SH3GL2: variants seen among roughly 807,000 people sequenced by gnomAD.
The protein encoded by SH3GL2 is endophilin-A1.
Under a neutral mutation model 46.0 loss-of-function variants are expected in SH3GL2, and 24 were observed. That is an observed-to-expected ratio of 0.52 (90% CI 0.38 to 0.73). SH3GL2 has a LOEUF of 0.73. Among genes scored for constraint, SH3GL2 ranks in the 30% least tolerant of loss-of-function variants. The probability of loss-of-function intolerance (pLI) is 0.00; values close to 1 mark genes in which losing one functional copy is unlikely to be tolerated. For missense variants in SH3GL2, 413 were observed against 424.2 expected (o/e 0.97, Z 0.23); for synonymous variants, 196 against 147.1 (o/e 1.33, Z -2.40).
At chr9:17,687,143 T>C (rs1450746602) in intron 1 of SH3GL2, among the ~76,000 whole-genome samples, 2 of 152,264 alleles carry the variant, frequency 1.3e-5, no homozygotes, top group South Asian at 2.1e-4. Flanking sequence ...CCTTTAAATA[T>C]GCTCTCTCAC....
intron 3 of SH3GL2, among the ~76,000 whole-genome samples, chr9:17,774,152 C>T (rs1237792687): frequency 1.3e-5 from 2 of 152,000 alleles, no homozygotes; most frequent in Non-Finnish European, 2.9e-5. Flanking sequence ...ACTTTGTGTC[C>T]TGCTACTTTG....
intron 3 of SH3GL2, among the ~76,000 whole-genome samples, chr9:17,763,035 GA>G (rs1823222876): frequency 1.3e-5 from 2 of 152,306 alleles, no homozygotes; most frequent in African/African-American, 4.8e-5. Context: ...AAGGCAGTGG[GA>G]GGAGGAATAT....
At position 17,761,694 on chromosome 9, in the gene SH3GL2, T is replaced by C. The variant is rs1823180755; in HGVS notation, c.187+185T>C. ...GGAGAAGGGCTTTTTAAAGCTCACATTGAAGTAACTGGAAGATCTGTGGTA... is the reference window on the plus strand; with the variant it reads ...GGAGAAGGGCTTTTTAAAGCTCACACTGAAGTAACTGGAAGATCTGTGGTA... On this transcript the variant is annotated intron_variant, in intron 3 of 8. Transcript: ENST00000380607. The C allele has an allele frequency of 9.2e-6, 6 of 652,010 alleles. No individual in the cohort carries two copies. The East Asian group carries it at 1.0e-4, about 11-fold the overall frequency. 40.4% of individuals were successfully genotyped at this position (652,010 alleles called of 1,614,324 possible). A position where few individuals can be genotyped will look rare whatever the true frequency, so the allele number is the denominator to read the frequency against.
intron 1 of SH3GL2, among the ~76,000 whole-genome samples, chr9:17,636,473 T>A (rs10963173): frequency 0.027 from 4,141 of 152,306 alleles, 73 homozygotes; most frequent in Middle Eastern, 0.058. Context: ...CTGATCCATC[T>A]TTGCATTCTC....
intron 1 of SH3GL2, among the ~76,000 whole-genome samples, chr9:17,636,637 T>G (rs1407231055): frequency 1.3e-5 from 2 of 152,250 alleles, no homozygotes; most frequent in Non-Finnish European, 2.9e-5. Context: ...TGTGCAAGTT[T>G]ACTAGCCATA....
rs916318530 is a variant in SH3GL2 at position 17,753,703 on chromosome 9, C to T, written c.114+6569C>T. The stretch of plus-strand genomic sequence containing the variant: ...ATTAGATCCCATTTGTTAATTTTCG[C>T]CTTGGTTGCAATTGCTTTTGGTGTC... On this transcript the variant is annotated intron_variant, in intron 2 of 8. Transcript: ENST00000380607. Among the ~76,000 whole-genome samples the T allele has an allele frequency of 2.6e-4, 40 of 152,060 alleles. 1 individual carries two copies. Among genetic ancestry groups the T allele is most frequent in the African/African-American group, 9.2e-4 (38 of 41,396 alleles).
intron 1 of SH3GL2, among the ~76,000 whole-genome samples, chr9:17,629,441 G>A (rs1211534834): frequency 1.3e-5 from 2 of 152,046 alleles, no homozygotes; most frequent in Non-Finnish European, 1.5e-5. Flanking sequence ...TTAAGGTGAT[G>A]GAAATAATTT....
At chr9:17,786,322 C>T in intron 3 of SH3GL2, 59 bp from the exon 4 acceptor site, 8 of 1,521,186 alleles carry the variant, frequency 5.3e-6, no homozygotes, top group Non-Finnish European at 7.1e-6. Flanking sequence ...CTCCATCCAG[C>T]CCTATTTCCG....
intron 3 of SH3GL2, among the ~76,000 whole-genome samples, chr9:17,770,075 C>A (rs562655757): frequency 6.6e-6 from 1 of 152,146 alleles, no homozygotes; most frequent in East Asian, 1.9e-4. Flanking sequence ...AGGTAAGTGT[C>A]GTGGTCTGCA....
At chr9:17,653,315 T>A (rs1372311042) in intron 1 of SH3GL2, among the ~76,000 whole-genome samples, 1 of 152,174 alleles carries the variant, frequency 6.6e-6, no homozygotes, top group Admixed American at 6.5e-5. Context: ...GGGAAATATT[T>A]GACTGTTATT....
chr9:17,715,975 A>G (rs1486176727), intron 1 of SH3GL2, among the ~76,000 whole-genome samples: 1 of 152,044 alleles, frequency 6.6e-6, no homozygotes, highest in Non-Finnish European at 1.5e-5. Context: ...TCAAAGTATT[A>G]TTTGTACTGA....
chr9:17,626,653 C>T (rs1449425258), intron 1 of SH3GL2, among the ~76,000 whole-genome samples: 1 of 152,068 alleles, frequency 6.6e-6, no homozygotes, highest in African/African-American at 2.4e-5. Context: ...CTGTGGACTC[C>T]CTGAAATTAG....
intron 1 of SH3GL2, among the ~76,000 whole-genome samples, chr9:17,644,207 C>G (rs1819752064): frequency 6.6e-6 from 1 of 151,352 alleles, no homozygotes; most frequent in South Asian, 2.1e-4. Context: ...TTTATTGTGC[C>G]TATTTGATTC....
rs1412681984 is a variant in SH3GL2 at position 17,619,687 on chromosome 9, AT to A, written c.45+40401del. Among the ~76,000 whole-genome samples the A allele has an allele frequency of 5.5e-3, 822 of 150,472 alleles. 10 individuals carry two copies. Among genetic ancestry groups the A allele is most frequent in the African/African-American group, 0.02 (793 of 40,602 alleles). On this transcript the variant is annotated intron_variant, in intron 1 of 8. Coordinates refer to ENST00000380607, the MANE Select transcript of SH3GL2 (RefSeq NM_003026.5). ...AGTGAAACTCCATCTCAAAAAAAAA[AT>A]AAAATAAAATAAGTGAGTGAACCAT...
intron 1 of SH3GL2, among the ~76,000 whole-genome samples, chr9:17,607,317 G>T (rs1259015624): frequency 6.6e-6 from 1 of 152,166 alleles, no homozygotes; most frequent in Non-Finnish European, 1.5e-5. Context: ...CACCATCATA[G>T]CATTTGTGTA....
rs1375537933 is a variant in SH3GL2 at position 17,579,289 on chromosome 9, TA to T, written c.45+4del. The T allele has an allele frequency of 6.4e-7, 1 of 1,560,734 alleles. No individual in the cohort carries two copies. The highest frequency in any genetic ancestry group is 1.8e-5 in the Admixed American group (1 of 54,996). ...AAGCAGTTCCATAAAGCCACTCAGGTAAGGCGCGCGGCAGGTGCGTCCCGGG... is the reference window on the plus strand; with the variant it reads ...AAGCAGTTCCATAAAGCCACTCAGGTAGGCGCGCGGCAGGTGCGTCCCGGG... On this transcript the variant is annotated splice_donor_region_variant and intron_variant, in intron 1 of 8. Transcript: ENST00000380607.
intron 1 of SH3GL2, among the ~76,000 whole-genome samples, chr9:17,698,419 C>T (rs987542584): frequency 1.1e-4 from 16 of 152,030 alleles, no homozygotes; most frequent in African/African-American, 2.4e-4. Flanking sequence ...ATGGATATCT[C>T]GGTATCTGGC....
At chr9:17,757,551 A>G (rs73642309) in intron 2 of SH3GL2, among the ~76,000 whole-genome samples, 4,293 of 152,298 alleles carry the variant, frequency 0.028, 205 homozygotes, top group African/African-American at 0.099. Flanking sequence ...CCTCACACCA[A>G]TCCCAGGCAA....
Position 17,753,490 on chromosome 9 carries a change from C to A in SH3GL2, c.114+6356C>A, listed in dbSNP as rs139515273. Among the ~76,000 whole-genome samples, 712 of 152,264 alleles carry A rather than the reference C, an allele frequency of 4.7e-3. 1 individual carries two copies. Among genetic ancestry groups the A allele is most frequent in the Non-Finnish European group, 7.3e-3 (496 of 68,008 alleles). ...TAAATGTCTTCTTTTGAAAAGTATT[C>A]ATGTCCTTTGTCCACTTTTTAATGG... On this transcript the variant is annotated intron_variant, in intron 2 of 8. Coordinates refer to ENST00000380607, the MANE Select transcript of SH3GL2 (RefSeq NM_003026.5).
Sources: gnomAD v4.1 joint callset for allele counts (sites outside exome capture counted in the v4.1 genomes callset) on GRCh38, gnomAD v4.1.1 for gene constraint, MANE v1.5 for transcripts, NCBI Gene and HGNC (gene_info 2026-07-23, HGNC 2026-07-21) for gene names.